The following ANO2 variants were observed in gnomAD, a reference collection of about 807,000 sequenced individuals.
The protein encoded by ANO2 is anoctamin-2.
Under a neutral mutation model 124.2 loss-of-function variants are expected in ANO2, and 101 were observed. That is an observed-to-expected ratio of 0.81 (90% CI 0.69 to 0.96). The LOEUF is 0.96. Among genes scored for constraint, ANO2 ranks in the 40% least tolerant of loss-of-function variants. The pLI is 0.00. For missense variants in ANO2, 1,293 were observed against 1,274.5 expected (o/e 1.01, Z -0.22); for synonymous variants, 486 against 482.5 (o/e 1.01, Z -0.09).
intron 13 of ANO2, among the ~76,000 whole-genome samples, chr12:5,736,980 A>G (rs958386081): frequency 2.0e-5 from 3 of 152,168 alleles, no homozygotes; most frequent in Admixed American, 6.5e-5. Context: ...ATTCTATTCT[A>G]AATATTTATA....
upstream of ANO2, chr12:5,946,075 A>G (rs1017056116): frequency 1.9e-5 from 29 of 1,543,184 alleles, no homozygotes; most frequent in Non-Finnish European, 9.0e-7. This position sits in a 1 kb window ranked among gnomAD's most constrained non-coding sequence, Gnocchi z 4.1. Context: ...AAGTAAAACA[A>G]GTTCATTAAT....
chr12:5,689,079 C>T (rs952780824), intron 14 of ANO2, among the ~76,000 whole-genome samples: 2 of 151,970 alleles, frequency 1.3e-5, no homozygotes, highest in African/African-American at 4.8e-5. Flanking sequence ...CTAGAGAGAC[C>T]AGTTTCAGGA....
chr12:5,854,961 C>T (rs747830286), intron 3 of ANO2, among the ~76,000 whole-genome samples: 7 of 147,234 alleles, frequency 4.8e-5, no homozygotes, highest in Non-Finnish European at 7.4e-5. Context: ...AAAACAAGCA[C>T]GCACAGGGGA....
chr12:5,646,654 TAACACACGGC>T (rs1946655050), intron 15 of ANO2, among the ~76,000 whole-genome samples: 1 of 152,154 alleles, frequency 6.6e-6, no homozygotes, highest in Admixed American at 6.5e-5. Flanking sequence ...CATTGCAGCT[TAACACACGGC>T]AACTCACCAC....
chr12:5,838,397 G>A (rs147952348), intron 4 of ANO2, among the ~76,000 whole-genome samples: 2 of 152,310 alleles, frequency 1.3e-5, no homozygotes, highest in East Asian at 3.9e-4. Context: ...TCCCCAGGCT[G>A]AAACACCACA....
intron 3 of ANO2, among the ~76,000 whole-genome samples, chr12:5,875,127 G>A (rs1938003451): frequency 6.6e-6 from 1 of 152,156 alleles, no homozygotes; most frequent in Admixed American, 6.5e-5. Context: ...ACTTCCTGAA[G>A]GCCAGCTCTG....
intron 3 of ANO2, among the ~76,000 whole-genome samples, chr12:5,868,757 C>T (rs573378053): frequency 2.1e-4 from 32 of 152,280 alleles, no homozygotes; most frequent in Admixed American, 9.2e-4. Flanking sequence ...GCATGCACAC[C>T]ACATGGAACC....
chr12:5,798,521 C>T (rs1423011425), intron 10 of ANO2, among the ~76,000 whole-genome samples: 2 of 152,142 alleles, frequency 1.3e-5, no homozygotes, highest in Non-Finnish European at 1.5e-5. Context: ...GGCAACCAGC[C>T]AGGAACACGC....
chr12:5,694,184 C>T (rs1429952310), intron 14 of ANO2, among the ~76,000 whole-genome samples: 2 of 151,100 alleles, frequency 1.3e-5, no homozygotes, highest in Non-Finnish European at 2.9e-5. Context: ...GCACCACCAA[C>T]CTGCGCCAGT....
chr12:5,607,930 T>C (rs1471035526), intron 19 of ANO2, among the ~76,000 whole-genome samples: 2 of 152,062 alleles, frequency 1.3e-5, no homozygotes, highest in Admixed American at 6.6e-5. Context: ...ATAATAGAAA[T>C]AAAGTGTACA....
intron 13 of ANO2, chr12:5,732,834 C>T (rs1252299422): frequency 4.3e-6 from 7 of 1,613,646 alleles, no homozygotes; most frequent in Non-Finnish European, 8.5e-7. Context: ...ACAAGGGACA[C>T]ACAACACTCG....
At chr12:5,733,740 T>C (rs1165187501) in intron 13 of ANO2, among the ~76,000 whole-genome samples, 1 of 152,232 alleles carries the variant, frequency 6.6e-6, no homozygotes, top group African/African-American at 2.4e-5. Context: ...TCCTCACCCA[T>C]TCTCCGAGGG....
At chr12:5,911,210 T>C (rs1414000718) in intron 3 of ANO2, among the ~76,000 whole-genome samples, 1 of 152,108 alleles carries the variant, frequency 6.6e-6, no homozygotes, top group Non-Finnish European at 1.5e-5. Context: ...CACCTCAGCA[T>C]CCTCAGCTCC....
chr12:5,863,524 T>A (rs1955337113), intron 3 of ANO2, among the ~76,000 whole-genome samples: 1 of 152,176 alleles, frequency 6.6e-6, no homozygotes, highest in South Asian at 2.1e-4. Context: ...GTTAAATAAT[T>A]GTAATAATTA....
At chr12:5,739,793 C>A (rs1951024444) in intron 12 of ANO2, 1 of 441,328 alleles carries the variant, frequency 2.3e-6, no homozygotes, top group African/African-American at 2.1e-5. Context: ...TCACCTTCAT[C>A]AGCACTGTCA....
At chr12:5,710,038 C>T (rs1471691070) in intron 14 of ANO2, among the ~76,000 whole-genome samples, 1 of 152,160 alleles carries the variant, frequency 6.6e-6, no homozygotes, top group African/African-American at 2.4e-5. Context: ...GAAATGCTAG[C>T]CAGGAGGCTC....
At chr12:5,570,835 G>A (rs889874950) in intron 23 of ANO2, among the ~76,000 whole-genome samples, 1 of 152,204 alleles carries the variant, frequency 6.6e-6, no homozygotes, top group African/African-American at 2.4e-5. Flanking sequence ...CATACCATCT[G>A]AGCTACTTAA....
At chr12:5,903,408 T>A (rs2136284544) in intron 3 of ANO2, among the ~76,000 whole-genome samples, 1 of 152,324 alleles carries the variant, frequency 6.6e-6, no homozygotes, top group Non-Finnish European at 1.5e-5. Flanking sequence ...ACCCACTATG[T>A]GCCATCCTTC....
chr12:5,629,207 A>T (rs988749830), intron 16 of ANO2, among the ~76,000 whole-genome samples: 7 of 152,240 alleles, frequency 4.6e-5, no homozygotes, highest in Non-Finnish European at 7.3e-5. Context: ...TTCTGCAAAG[A>T]GTTTTGAAAG....
Sources: gnomAD v4.1 joint callset for allele counts (sites outside exome capture counted in the v4.1 genomes callset) on GRCh38, gnomAD v4.1.1 for gene constraint, Gnocchi (gnomAD v3.1) non-coding constraint, MANE v1.5 for transcripts, NCBI Gene and HGNC (gene_info 2026-07-23, HGNC 2026-07-21) for gene names.